The following GLIS3 variants were observed in gnomAD, a reference collection of about 807,000 sequenced individuals.
GLIS3 encodes the protein GLIS family zinc finger 3.
Under a neutral mutation model 78.6 loss-of-function variants are expected in GLIS3, and 53 were observed. That is an observed-to-expected ratio of 0.67 (90% confidence interval 0.54 to 0.85). GLIS3 has a LOEUF of 0.85. Ranked by LOEUF, GLIS3 falls within the 40% of genes least tolerant of loss-of-function variation. The pLI, the probability that GLIS3 is intolerant of heterozygous loss-of-function variation, is 0.00. For synonymous variants in GLIS3, 684 were observed against 509.9 expected, an observed-to-expected ratio of 1.34 and a Z score of -4.60; for missense variants, 1,703 against 1,231.1, an observed-to-expected ratio of 1.38 and a Z score of -5.74.
At chr9:4,251,881 T>C (rs1824427861) in intron 2 of GLIS3, among the ~76,000 whole-genome samples, 1 of 152,218 alleles carries the variant, frequency 6.6e-6, no homozygotes, top group Non-Finnish European at 1.5e-5. Context: ...TTTGGCTGGA[T>C]ATGAAATTCT....
chr9:4,388,340 G>A, the GLIS3 span, among the ~76,000 whole-genome samples: 1 of 151,994 alleles, frequency 6.6e-6, no homozygotes, highest in Admixed American at 6.6e-5. Flanking sequence ...CTCTTCTTGG[G>A]AGAAATTTCC....
chr9:4,378,079 G>A, the GLIS3 span, among the ~76,000 whole-genome samples: 7 of 152,082 alleles, frequency 4.6e-5, no homozygotes, highest in Admixed American at 1.3e-4. Flanking sequence ...TAGAATGATC[G>A]TGAACATGAG....
chr9:3,871,119 A>G (rs56242641), intron 8 of GLIS3, among the ~76,000 whole-genome samples: 23,081 of 152,200 alleles, frequency 0.15, 1,950 homozygotes, highest in Non-Finnish European at 0.19. Flanking sequence ...TTAAGCTCCA[A>G]AATGATCTCC....
the GLIS3 span, among the ~76,000 whole-genome samples, chr9:4,456,163 C>G: frequency 6.6e-6 from 1 of 152,102 alleles, no homozygotes; most frequent in Non-Finnish European, 1.5e-5. Context: ...CATGCGATAG[C>G]ATTATGTCTT....
At chr9:4,198,518 A>C (rs1283083092) in intron 2 of GLIS3, among the ~76,000 whole-genome samples, 2 of 152,224 alleles carry the variant, frequency 1.3e-5, no homozygotes, top group Non-Finnish European at 2.9e-5. Context: ...AGAAAAAAAG[A>C]ATTTTAAAAA....
the GLIS3 span, among the ~76,000 whole-genome samples, chr9:4,447,089 C>T: frequency 6.2e-4 from 95 of 152,028 alleles, no homozygotes; most frequent in African/African-American, 2.3e-3. Flanking sequence ...ACTCTGTTGC[C>T]TAGTCTGGAA....
At chr9:4,352,134 G>A (rs1051855116), upstream of GLIS3, among the ~76,000 whole-genome samples, 1 of 152,174 alleles carries the variant, frequency 6.6e-6, no homozygotes, top group African/African-American at 2.4e-5. Context: ...TATTATAGAG[G>A]AAGCTTGTCT....
chr9:4,366,011 G>T, the GLIS3 span, among the ~76,000 whole-genome samples: 1 of 152,216 alleles, frequency 6.6e-6, no homozygotes, highest in Non-Finnish European at 1.5e-5. Context: ...AGGAAGGAGA[G>T]CTAGCAGGGA....
chr9:4,099,958 T>A (rs1586665388), intron 4 of GLIS3, among the ~76,000 whole-genome samples: 1 of 152,250 alleles, frequency 6.6e-6, no homozygotes, highest in South Asian at 2.1e-4. Flanking sequence ...TTCTCTCATG[T>A]AATTTCTCTG....
At chr9:3,848,264 G>A (rs1279572880) in intron 9 of GLIS3, among the ~76,000 whole-genome samples, 4 of 152,316 alleles carry the variant, frequency 2.6e-5, no homozygotes, top group Middle Eastern at 3.4e-3. Context: ...ACTTTGGGAG[G>A]CCAAGGCAAG....
chr9:4,380,527 T>C, the GLIS3 span, among the ~76,000 whole-genome samples: 2 of 152,226 alleles, frequency 1.3e-5, no homozygotes, highest in Non-Finnish European at 2.9e-5. Context: ...CATCTCACAC[T>C]TTTGCATAAT....
chr9:3,958,299 C>CTA (rs1173050975), intron 4 of GLIS3, among the ~76,000 whole-genome samples: 8 of 152,084 alleles, frequency 5.3e-5, no homozygotes, highest in Non-Finnish European at 1.0e-4. Context: ...TATTGAGCGT[C>CTA]TAGTATGCAT....
rs138674422 is a variant in GLIS3 at position 4,059,804 on chromosome 9, T to TTGTGTGTGTGTGTGTGTG, written c.1710+57946_1710+57963dup. Among the ~76,000 whole-genome samples the TTGTGTGTGTGTGTGTGTG allele has an allele frequency of 5.6e-3, 606 of 107,370 alleles. 3 individuals are homozygous for TTGTGTGTGTGTGTGTGTG. Among genetic ancestry groups the TTGTGTGTGTGTGTGTGTG allele is most frequent in the East Asian group, 8.3e-3 (27 of 3,248 alleles). 70.4% of individuals were successfully genotyped at this position (107,370 alleles called of 152,430 possible). A position where few individuals can be genotyped will look rare whatever the true frequency, so the allele number is the denominator to read the frequency against. On this transcript the variant is annotated intron_variant, in intron 4 of 10. Transcript: ENST00000381971. ...GGGCTTGTCACTTACTCAGCTTTAT[T>TTGTGTGTGTGTGTGTGTG]TGTGTGTGTGTGTGTGTGTGTGTGT...
the GLIS3 span, among the ~76,000 whole-genome samples, chr9:4,464,393 T>G: frequency 6.6e-6 from 1 of 151,604 alleles, no homozygotes; most frequent in Non-Finnish European, 1.5e-5. Context: ...ATTTTTTTAA[T>G]TTTATTTATT....
At chr9:4,382,162 T>C in the GLIS3 span, among the ~76,000 whole-genome samples, 1 of 152,238 alleles carries the variant, frequency 6.6e-6, no homozygotes, top group Non-Finnish European at 1.5e-5. Context: ...ATCCCTTTTA[T>C]TTGAAACATC....
At chr9:4,230,679 C>CA (rs1822179769) in intron 2 of GLIS3, among the ~76,000 whole-genome samples, 1 of 152,154 alleles carries the variant, frequency 6.6e-6, no homozygotes, top group African/African-American at 2.4e-5. Context: ...ATGGACTGCG[C>CA]ATGGGGAACC....
intron 4 of GLIS3, among the ~76,000 whole-genome samples, chr9:3,995,814 G>A (rs1312395678): frequency 1.3e-5 from 2 of 152,060 alleles, no homozygotes; most frequent in African/African-American, 4.8e-5. Flanking sequence ...GGCACAGAAG[G>A]TAGATATAAA....
chr9:4,104,804 C>T (rs1037979859), intron 4 of GLIS3, among the ~76,000 whole-genome samples: 1 of 152,212 alleles, frequency 6.6e-6, no homozygotes, highest in African/African-American at 2.4e-5. Flanking sequence ...TTATTATCTT[C>T]CCCCTCCAGA....
At chr9:3,998,475 C>G (rs1172436343) in intron 4 of GLIS3, among the ~76,000 whole-genome samples, 2 of 151,886 alleles carry the variant, frequency 1.3e-5, no homozygotes, top group Non-Finnish European at 2.9e-5. Context: ...TACTTACCTA[C>G]TATATACTAC....
Sources: gnomAD v4.1 joint callset for allele counts (sites outside exome capture counted in the v4.1 genomes callset) on GRCh38, gnomAD v4.1.1 for gene constraint, MANE v1.5 for transcripts, NCBI Gene and HGNC (gene_info 2026-07-23, HGNC 2026-07-21) for gene names.